The following CCNY variants were observed in gnomAD, a reference collection of about 807,000 sequenced individuals.
The protein encoded by CCNY is cyclin Y.
A neutral mutation model predicts 42.8 loss-of-function variants in CCNY; 19 were observed. The observed-to-expected ratio is 0.44, with a 90% CI of 0.31 to 0.65. The LOEUF (loss-of-function observed/expected upper bound fraction) is 0.65, where lower values mean the gene tolerates loss of function less well. Ranked by LOEUF, CCNY falls within the 30% of genes least tolerant of loss-of-function variation. The probability of loss-of-function intolerance (pLI) is 0.07; values close to 1 mark genes in which losing one functional copy is unlikely to be tolerated. For synonymous variants in CCNY, 165 were observed against 162.7 expected (o/e 1.01, Z -0.11); for missense variants, 370 against 437.3 (o/e 0.85, Z 1.37).
intron 7 of CCNY, among the ~76,000 whole-genome samples, chr10:35,534,224 C>T (rs1244883618): frequency 6.6e-6 from 1 of 152,128 alleles, no homozygotes; most frequent in East Asian, 1.9e-4. Context: ...GGGGGTTTCA[C>T]CATGTTGGCC....
chr10:35,404,354 G>A (rs1409833842), intron 1 of CCNY, among the ~76,000 whole-genome samples: 1 of 152,184 alleles, frequency 6.6e-6, no homozygotes, highest in African/African-American at 2.4e-5. Flanking sequence ...AATGAAAAGG[G>A]TTGGGATGAG....
chr10:35,305,611 C>T (rs549188798), intron 3 of CCNY, among the ~76,000 whole-genome samples: 1 of 152,320 alleles, frequency 6.6e-6, no homozygotes, highest in African/African-American at 2.4e-5. Flanking sequence ...ACTTATCGTT[C>T]ATTGCCATGG....
intron 1 of CCNY, among the ~76,000 whole-genome samples, chr10:35,368,647 G>A (rs1836861554): frequency 6.6e-6 from 1 of 152,212 alleles, no homozygotes; most frequent in Admixed American, 6.5e-5. Context: ...GGGTGTCAGC[G>A]CCTGGGTGAC....
In CCNY at chr10:35,419,609, A is replaced by T. The variant is rs576951037; in HGVS notation, c.155-63795A>T. ...GGTCTGAGGAAGTTATTGGATAGCT[A>T]ATTTGGAGATAATTCAAAACTAAAC... On this transcript the variant is annotated intron_variant, in intron 1 of 9. Coordinates refer to ENST00000374704, the MANE Select transcript of CCNY (RefSeq NM_145012.6). Among the ~76,000 whole-genome samples, 6 of 151,094 alleles carry T rather than the reference A, an allele frequency of 4.0e-5. No individual in the cohort carries two copies. In the East Asian group the frequency reaches 9.7e-4, roughly 24 times the overall value.
intron 2 of CCNY, among the ~76,000 whole-genome samples, chr10:35,487,589 C>T (rs1222799854): frequency 6.6e-6 from 1 of 152,080 alleles, no homozygotes; most frequent in Non-Finnish European, 1.5e-5. Flanking sequence ...AATTCCTTTT[C>T]CTTCTGGATA....
At chr10:35,458,103 A>T (rs898707812) in intron 1 of CCNY, among the ~76,000 whole-genome samples, 1 of 152,178 alleles carries the variant, frequency 6.6e-6, no homozygotes, top group African/African-American at 2.4e-5. Flanking sequence ...TGAAAGGGGG[A>T]AAAAGTGGTG....
chr10:35,285,968 A>G (rs1835350496), intron 3 of CCNY, among the ~76,000 whole-genome samples: 1 of 152,000 alleles, frequency 6.6e-6, no homozygotes, highest in Non-Finnish European at 1.5e-5. Context: ...ACGTGGCACC[A>G]TGCATGGCTA....
intron 1 of CCNY, among the ~76,000 whole-genome samples, chr10:35,407,217 A>G (rs9730798): frequency 0.088 from 13,419 of 152,054 alleles, 1,136 homozygotes; most frequent in African/African-American, 0.22. Context: ...GAAACTGTAA[A>G]CCAGACTGGG....
intron 3 of CCNY, among the ~76,000 whole-genome samples, chr10:35,309,820 G>A (rs751089814): frequency 6.7e-6 from 1 of 149,922 alleles, no homozygotes; most frequent in Non-Finnish European, 1.5e-5. Flanking sequence ...TTTATTTAGA[G>A]ACAGAGTCTC....
At chr10:35,475,020 T>C (rs1839475669) in intron 1 of CCNY, among the ~76,000 whole-genome samples, 1 of 152,096 alleles carries the variant, frequency 6.6e-6, no homozygotes, top group African/African-American at 2.4e-5. Context: ...CAGGAGCTGA[T>C]GCGATCAACT....
At chr10:35,403,639 C>T (rs1322980705) in intron 1 of CCNY, among the ~76,000 whole-genome samples, 1 of 152,132 alleles carries the variant, frequency 6.6e-6, no homozygotes, top group South Asian at 2.1e-4. Context: ...AGTGAGGAAA[C>T]CTCTTTCAGC....
intron 3 of CCNY, among the ~76,000 whole-genome samples, chr10:35,293,596 A>C (rs1296141629): frequency 6.6e-6 from 1 of 152,176 alleles, no homozygotes; most frequent in Non-Finnish European, 1.5e-5. Context: ...GTCTGTGGAC[A>C]TGGGATGTTA....
intron 1 of CCNY, among the ~76,000 whole-genome samples, chr10:35,426,109 GCGCACACACACACACACACACACA>G (rs1439930075): frequency 1.8e-5 from 2 of 111,678 alleles, no homozygotes; most frequent in Admixed American, 8.7e-5. Flanking sequence ...GGTCCAGCAC[GCGCACACACACACACACACACACA>G]CACACACACA....
At chr10:35,430,013 C>T (rs1838350387) in intron 1 of CCNY, among the ~76,000 whole-genome samples, 2 of 152,064 alleles carry the variant, frequency 1.3e-5, no homozygotes, top group Non-Finnish European at 2.9e-5. Context: ...TCCTAAGTCC[C>T]TCCTTATCTC....
At position 35,470,004 on chromosome 10, in the gene CCNY, A is replaced by G. The variant is rs555369535; in HGVS notation, c.155-13400A>G. ...GGGCAGTGGAGAGACAGACAGGGAG[A>G]TGGAGAGACAGACAGGGAGATAGGG... is the stretch of plus-strand genomic sequence containing the variant. On this transcript the variant is annotated intron_variant, in intron 1 of 9. Coordinates refer to ENST00000374704, the MANE Select transcript of CCNY (RefSeq NM_145012.6). 4.6e-3 allele frequency among the ~76,000 whole-genome samples: 665 copies of G among 143,344 alleles called. 6 individuals carry two copies. The highest frequency in any genetic ancestry group is 7.6e-3 in the Non-Finnish European group (497 of 65,398). The allele number at this position is 143,344 out of a possible 152,430, so 94.0% of individuals were successfully genotyped here.
intron 1 of CCNY, among the ~76,000 whole-genome samples, chr10:35,430,154 G>A (rs1374957924): frequency 6.6e-6 from 1 of 151,192 alleles, no homozygotes; most frequent in Non-Finnish European, 1.5e-5. Context: ...CGGCTAAAAC[G>A]GTGAAACCCC....
chr10:35,337,337 G>A, intron 1 of CCNY, 130 bp downstream of exon 1: 2 of 979,640 alleles, frequency 2.0e-6, no homozygotes, highest in Non-Finnish European at 2.8e-6. Flanking sequence ...GGCTTCGCCC[G>A]CGCAGCCTAG....
intron 1 of CCNY, among the ~76,000 whole-genome samples, chr10:35,363,032 G>A (rs1836725676): frequency 7.0e-6 from 1 of 142,042 alleles, no homozygotes; most frequent in South Asian, 2.4e-4. Context: ...GTGGGCCGCC[G>A]GCGGCCGGGC....
rs988288572 is a variant in CCNY, at chr10:35,359,402, A to G, written c.154+22195A>G. Among the ~76,000 whole-genome samples, 12 of 152,260 alleles carry G rather than the reference A, an allele frequency of 7.9e-5. No homozygotes were observed. The East Asian group carries it at 2.3e-3, about 29-fold the overall frequency. On this transcript the variant is annotated intron_variant, in intron 1 of 9. Coordinates refer to ENST00000374704, the MANE Select transcript of CCNY (RefSeq NM_145012.6). ...GGACTGTGGCAGATACTGCCTCATT[A>G]TTTGTAGATGGCTGTGTTTTTTGTT...
Sources: allele counts gnomAD v4.1 joint callset (sites outside exome capture counted in the v4.1 genomes callset), GRCh38; gene constraint gnomAD v4.1.1; transcripts MANE v1.5; gene names NCBI Gene and HGNC (gene_info 2026-07-23, HGNC 2026-07-21).